PRKCH: variants seen among roughly 807,000 people sequenced by gnomAD.
PRKCH encodes the protein protein kinase C eta.
In PRKCH, 28 loss-of-function variants were observed where a neutral mutation model predicts 82.5. The ratio of observed to expected loss-of-function variants is 0.34; its 90% CI spans 0.25 to 0.47. The LOEUF (loss-of-function observed/expected upper bound fraction) is 0.47. Ranked by LOEUF, PRKCH falls within the 20% of genes least tolerant of loss-of-function variation. PRKCH has a pLI of 1.00. For synonymous variants in PRKCH, 322 were observed against 327.4 expected, an observed-to-expected ratio of 0.98 and a Z score of 0.18; for missense variants, 705 against 881.8, an observed-to-expected ratio of 0.80 and a Z score of 2.54.
At chr14:61,315,263 C>T (rs17098207) in intron 1 of PRKCH, among the ~76,000 whole-genome samples, 35,313 of 151,776 alleles carry the variant, frequency 0.23, 5,174 homozygotes, top group African/African-American at 0.42. Flanking sequence ...TGTGTAGTAG[C>T]GGTAGTTTTC....
intron 1 of PRKCH, among the ~76,000 whole-genome samples, chr14:61,313,550 C>G (rs1489883935): frequency 6.6e-6 from 1 of 152,104 alleles, no homozygotes; most frequent in Non-Finnish European, 1.5e-5. Context: ...CCTCAACCTC[C>G]TAGACTCAAC....
intron 1 of PRKCH, among the ~76,000 whole-genome samples, chr14:61,335,012 T>A (rs916053580): frequency 1.3e-5 from 2 of 152,150 alleles, no homozygotes; most frequent in African/African-American, 4.8e-5. Flanking sequence ...TTGCTTTTTT[T>A]ATTTTAATCT....
At chr14:61,205,875 A>T (rs1349774011) in intron 1 of PRKCH, among the ~76,000 whole-genome samples, 1 of 152,206 alleles carries the variant, frequency 6.6e-6, no homozygotes, top group Non-Finnish European at 1.5e-5. Context: ...GCAAATGTTC[A>T]TCAAAGCTCC....
At chr14:61,190,118 G>A (rs2044397849) in intron 1 of PRKCH, among the ~76,000 whole-genome samples, 1 of 152,126 alleles carries the variant, frequency 6.6e-6, no homozygotes. Flanking sequence ...GGGTCATTGG[G>A]CTGATAAAAT....
At chr14:61,466,274 C>A (rs562088761) in intron 9 of PRKCH, among the ~76,000 whole-genome samples, 5 of 152,268 alleles carry the variant, frequency 3.3e-5, no homozygotes, top group African/African-American at 9.6e-5. Flanking sequence ...AGTCAGGGAC[C>A]AGACCCCTGG....
chr14:61,342,936 C>T (rs553614242), intron 1 of PRKCH, among the ~76,000 whole-genome samples: 31 of 152,320 alleles, frequency 2.0e-4, no homozygotes, highest in East Asian at 1.5e-3. Flanking sequence ...AGAACTGTGT[C>T]GCCTCATTCT....
At chr14:61,491,133 T>C (rs570849753) in intron 10 of PRKCH, among the ~76,000 whole-genome samples, 2 of 152,218 alleles carry the variant, frequency 1.3e-5, no homozygotes, top group Non-Finnish European at 2.9e-5. Context: ...CATTTGAGCC[T>C]GGAGTTTTGG....
At chr14:61,490,944 A>T (rs1886426522) in intron 10 of PRKCH, among the ~76,000 whole-genome samples, 1 of 152,050 alleles carries the variant, frequency 6.6e-6, no homozygotes, top group African/African-American at 2.4e-5. Flanking sequence ...ACAAAAAAAA[A>T]TGGTGTCTTG....
chr14:61,276,948 C>G (rs558113223), intron 1 of PRKCH, among the ~76,000 whole-genome samples: 188 of 152,172 alleles, frequency 1.2e-3, no homozygotes, highest in African/African-American at 4.2e-3. Flanking sequence ...CTTTGGGAGG[C>G]CAAGGCGGGC....
intron 1 of PRKCH, among the ~76,000 whole-genome samples, chr14:61,378,963 A>G (rs956872278): frequency 5.3e-5 from 8 of 152,298 alleles, no homozygotes; most frequent in Non-Finnish European, 8.8e-5. Flanking sequence ...CCCAACAGTT[A>G]TGTATCGGGA....
At chr14:61,519,734 T>C (rs1050030855) in intron 10 of PRKCH, among the ~76,000 whole-genome samples, 2 of 152,208 alleles carry the variant, frequency 1.3e-5, no homozygotes, top group African/African-American at 4.8e-5. Context: ...TAATTAGGAA[T>C]GCTGCTGCTT....
chr14:61,406,561 A>G (rs974064484), intron 2 of PRKCH, among the ~76,000 whole-genome samples: 3 of 152,226 alleles, frequency 2.0e-5, no homozygotes, highest in African/African-American at 4.8e-5. Context: ...TGGGAGCCAC[A>G]GTTTTTTCGT....
At chr14:61,275,728 C>T (rs1392045181) in intron 1 of PRKCH, among the ~76,000 whole-genome samples, 1 of 152,050 alleles carries the variant, frequency 6.6e-6, no homozygotes, top group Admixed American at 6.5e-5. Flanking sequence ...GTATCCTGCT[C>T]CTCCAGAAAA....
chr14:61,291,375 G>A (rs2140098719), intron 1 of PRKCH, among the ~76,000 whole-genome samples: 1 of 136,812 alleles, frequency 7.3e-6, no homozygotes, highest in Non-Finnish European at 1.5e-5. Context: ...CTGTCACCAG[G>A]CTGGAGTGCA....
intron 9 of PRKCH, chr14:61,463,096 GT>G (rs1486790512): frequency 2.0e-5 from 3 of 152,180 alleles, no homozygotes; most frequent in African/African-American, 7.2e-5. Flanking sequence ...TTTTAGCTTT[GT>G]TTTCCACCAT....
rs139264531 is a variant in PRKCH at position 61,423,492 on chromosome 14, C to G, written c.428-19619C>G. Among the ~76,000 whole-genome samples the G allele has an allele frequency of 2.8e-3, 430 of 152,242 alleles. 4 individuals are homozygous for G. The highest frequency in any genetic ancestry group is 0.019 in the South Asian group (90 of 4,826). On this transcript the variant is annotated intron_variant, in intron 2 of 13. Coordinates refer to ENST00000332981, the MANE Select transcript of PRKCH (RefSeq NM_006255.5). ...CAGTGACTGAGTAAGAAAGAGCATGCCATTAGCTGGAGTGGTCTGCAGATA... is the reference window on the plus strand; with the variant it reads ...CAGTGACTGAGTAAGAAAGAGCATGGCATTAGCTGGAGTGGTCTGCAGATA...
chr14:61,509,394 T>G (rs1012505658), intron 10 of PRKCH, among the ~76,000 whole-genome samples: 10 of 152,086 alleles, frequency 6.6e-5, no homozygotes, highest in African/African-American at 2.4e-4. Context: ...CACGATTGAG[T>G]TACCAGGTTC....
intron 1 of PRKCH, among the ~76,000 whole-genome samples, chr14:61,213,857 T>C (rs1401992605): frequency 6.6e-6 from 1 of 152,216 alleles, no homozygotes; most frequent in Non-Finnish European, 1.5e-5. Context: ...TAACAATGGT[T>C]TACTGAGCAC....
At chr14:61,403,108 G>A (rs1171369606) in intron 2 of PRKCH, among the ~76,000 whole-genome samples, 1 of 151,936 alleles carries the variant, frequency 6.6e-6, no homozygotes, top group African/African-American at 2.4e-5. Context: ...TCTATCTTTG[G>A]GGGGATGTTT....
Sources: allele counts gnomAD v4.1 joint callset (sites outside exome capture counted in the v4.1 genomes callset), GRCh38; gene constraint gnomAD v4.1.1; transcripts MANE v1.5; gene names NCBI Gene and HGNC (gene_info 2026-07-23, HGNC 2026-07-21).